Variants in MDGA2 observed in about 807,000 individuals in gnomAD.
MDGA2 encodes MAM domain-containing glycosylphosphatidylinositol anchor protein 2.
In MDGA2, 40 loss-of-function variants were observed where a neutral mutation model predicts 117.8. The observed-to-expected ratio is 0.34, with a 90% CI of 0.26 to 0.44. The LOEUF is 0.44. Among genes scored for constraint, MDGA2 ranks in the 20% least tolerant of loss-of-function variants. The pLI is 1.00. For synonymous variants in MDGA2, 452 were observed against 439.0 expected (o/e 1.03, Z -0.37); for missense variants, 1,123 against 1,250.6 (o/e 0.90, Z 1.54).
At chr14:47,561,873 T>C (rs1022327751) in intron 1 of MDGA2, among the ~76,000 whole-genome samples, 3 of 152,244 alleles carry the variant, frequency 2.0e-5, no homozygotes, top group East Asian at 3.9e-4. Flanking sequence ...CTGTCATAGA[T>C]GGCTCTTATT....
intron 1 of MDGA2, among the ~76,000 whole-genome samples, chr14:47,383,325 C>T (rs527706440): frequency 8.6e-5 from 13 of 151,594 alleles, no homozygotes; most frequent in African/African-American, 2.4e-4. Flanking sequence ...TGCACATGTA[C>T]CCTAGAACTT....
At chr14:47,090,609 G>A (rs1335497312) in intron 6 of MDGA2, among the ~76,000 whole-genome samples, 1 of 152,178 alleles carries the variant, frequency 6.6e-6, no homozygotes, top group Non-Finnish European at 1.5e-5. Context: ...TAACAGGGTA[G>A]AGATATTTGA....
At chr14:47,017,821 A>C (rs1403383684) in intron 8 of MDGA2, among the ~76,000 whole-genome samples, 1 of 152,138 alleles carries the variant, frequency 6.6e-6, no homozygotes, top group Non-Finnish European at 1.5e-5. Context: ...GATCTAAAAC[A>C]CATTGCAAGA....
chr14:47,059,229 A>G (rs1398004190), intron 7 of MDGA2: 1 of 963,202 alleles, frequency 1.0e-6, no homozygotes, highest in Non-Finnish European at 1.4e-6. Context: ...GGCTATTGAG[A>G]TTATAGCAAT....
At chr14:47,551,163 T>A (rs1895573554) in intron 1 of MDGA2, among the ~76,000 whole-genome samples, 1 of 152,142 alleles carries the variant, frequency 6.6e-6, no homozygotes, top group Admixed American at 6.6e-5. Context: ...TTTAATATAA[T>A]TAAGAGGATA....
At chr14:47,395,025 C>T (rs1228674494) in intron 1 of MDGA2, among the ~76,000 whole-genome samples, 4 of 152,020 alleles carry the variant, frequency 2.6e-5, no homozygotes, top group South Asian at 2.1e-4. Flanking sequence ...AGTGGGGCCT[C>T]ATGCCTATGG....
chr14:47,226,500 G>A (rs892087054), intron 2 of MDGA2, among the ~76,000 whole-genome samples: 4 of 151,958 alleles, frequency 2.6e-5, no homozygotes, highest in Non-Finnish European at 5.9e-5. Flanking sequence ...ATTCACCTCT[G>A]TGAATAAACA....
chr14:47,180,314 A>G (rs553563678), intron 3 of MDGA2, among the ~76,000 whole-genome samples: 1 of 152,336 alleles, frequency 6.6e-6, no homozygotes, highest in Non-Finnish European at 1.5e-5. Context: ...CAGAGACACC[A>G]AAAGCAACTG....
At chr14:47,486,584 T>C (rs1894066661) in intron 1 of MDGA2, among the ~76,000 whole-genome samples, 1 of 152,128 alleles carries the variant, frequency 6.6e-6, no homozygotes, top group African/African-American at 2.4e-5. Context: ...ATGGTTTGGC[T>C]CTATGTCTCC....
At chr14:46,889,679 T>G (rs943656886) in intron 10 of MDGA2, among the ~76,000 whole-genome samples, 52 of 152,200 alleles carry the variant, frequency 3.4e-4, no homozygotes, top group African/African-American at 1.2e-3. Flanking sequence ...CTTTCCCTTT[T>G]CTTTTGAAGC....
intron 1 of MDGA2, among the ~76,000 whole-genome samples, chr14:47,504,951 C>G (rs1268717889): frequency 6.6e-6 from 1 of 152,054 alleles, no homozygotes; most frequent in African/African-American, 2.4e-5. Flanking sequence ...ACCTAGCTGT[C>G]CACCAACAAA....
intron 5 of MDGA2, among the ~76,000 whole-genome samples, chr14:47,111,055 A>G (rs1881009351): frequency 6.6e-6 from 1 of 152,176 alleles, no homozygotes; most frequent in South Asian, 2.1e-4. Context: ...GCCCTTGTGG[A>G]GTTTGTAATT....
chr14:46,860,914 A>G (rs980580411), intron 14 of MDGA2, among the ~76,000 whole-genome samples: 1 of 151,880 alleles, frequency 6.6e-6, no homozygotes, highest in Admixed American at 6.6e-5. Flanking sequence ...TCACCAGTAT[A>G]TGTTTCTTCT....
At chr14:47,056,949 A>G (rs1959817) in intron 7 of MDGA2, among the ~76,000 whole-genome samples, 79,748 of 151,914 alleles carry the variant, frequency 0.52, 21,643 homozygotes, top group East Asian at 0.64. Context: ...AGCATATAGT[A>G]TATTTAATTT....
intron 3 of MDGA2, among the ~76,000 whole-genome samples, chr14:47,201,703 T>C (rs1373130919): frequency 2.0e-5 from 3 of 152,156 alleles, no homozygotes; most frequent in African/African-American, 7.2e-5. Flanking sequence ...CCAGCCTACT[T>C]TATCTGTTTT....
At chr14:47,653,312 A>T (rs1374624173) in intron 1 of MDGA2, among the ~76,000 whole-genome samples, 1 of 152,152 alleles carries the variant, frequency 6.6e-6, no homozygotes, top group Admixed American at 6.6e-5. Flanking sequence ...ATTTGCTGAG[A>T]TCTATGGCTG....
chr14:47,464,779 T>A (rs1032720126), intron 1 of MDGA2, among the ~76,000 whole-genome samples: 5 of 152,166 alleles, frequency 3.3e-5, no homozygotes, highest in Non-Finnish European at 7.3e-5. Context: ...CTCAATGCTA[T>A]TCCTATCAAA....
At chr14:47,655,955 C>A (rs1051260099) in intron 1 of MDGA2, among the ~76,000 whole-genome samples, 1 of 152,176 alleles carries the variant, frequency 6.6e-6, no homozygotes, top group African/African-American at 2.4e-5. Context: ...AAGTCTACGG[C>A]AAGTCCCTGT....
At chr14:47,470,008 C>T (rs1173763774) in intron 1 of MDGA2, among the ~76,000 whole-genome samples, 1 of 152,160 alleles carries the variant, frequency 6.6e-6, no homozygotes. Context: ...AGTAACCCCA[C>T]AGGCAGGCTC....
Sources: allele counts gnomAD v4.1 joint callset (sites outside exome capture counted in the v4.1 genomes callset), GRCh38; gene constraint gnomAD v4.1.1; transcripts MANE v1.5; gene names NCBI Gene and HGNC (gene_info 2026-07-23, HGNC 2026-07-21).